The following YLPM1 variants were observed in gnomAD, a reference collection of about 807,000 sequenced individuals.
YLPM1 encodes YLP motif containing 1, also known as YLP motif-containing protein 1.
In YLPM1, 99 loss-of-function variants were observed where a neutral mutation model predicts 230.0. The ratio of observed to expected loss-of-function variants is 0.43; its 90% confidence interval spans 0.37 to 0.51. YLPM1 has a LOEUF of 0.51. Among genes scored for constraint, YLPM1 ranks in the 20% least tolerant of loss-of-function variants. The pLI is 0.00. For synonymous variants in YLPM1, 984 were observed against 942.5 expected (o/e 1.04, Z -0.81); for missense variants, 2,592 against 2,707.7 (o/e 0.96, Z 0.95).
intron 1 of YLPM1, among the ~76,000 whole-genome samples, chr14:74,766,636 ATTTTTT>A (rs34932979): frequency 1.7e-4 from 19 of 110,348 alleles, no homozygotes; most frequent in African/African-American, 6.7e-4. Flanking sequence ...ATGCCTGGCT[ATTTTTT>A]TTTTTTTTTT....
chr14:74,772,878 A>G (rs2090992853), intron 1 of YLPM1, among the ~76,000 whole-genome samples: 2 of 152,188 alleles, frequency 1.3e-5, no homozygotes, highest in Admixed American at 6.5e-5. Context: ...CAGTAAGGAC[A>G]TTTGTGAGTG....
At chr14:74,820,966 C>CAACT in intron 16 of YLPM1, 91 bp from the exon 17 acceptor site, 6 of 1,327,246 alleles carry the variant, frequency 4.5e-6, no homozygotes, top group Non-Finnish European at 4.9e-6. Context: ...TTGCTCTGGG[C>CAACT]AACTGTATTC....
chr14:74,815,759 C>G (rs1254929118), intron 11 of YLPM1, among the ~76,000 whole-genome samples: 1 of 151,728 alleles, frequency 6.6e-6, no homozygotes, highest in Non-Finnish European at 1.5e-5. Context: ...GATTTGAGAC[C>G]TATTTCTTTC....
intron 16 of YLPM1, among the ~76,000 whole-genome samples, chr14:74,818,984 C>T (rs2091500224): frequency 6.6e-6 from 1 of 152,106 alleles, no homozygotes; most frequent in South Asian, 2.1e-4. Flanking sequence ...TGTGCCCTCT[C>T]AGTGTGTCAC....
rs768536378 is a variant in YLPM1, at chr14:74,810,254, A to G, written c.5062A>G (p.Arg1688Gly). The change falls in exon 9 of 21, where the codon AGA becomes GGA. Residue 1688 changes from arginine (R) to glycine (G), a missense_variant. Coordinates refer to ENST00000325680, the MANE Select transcript of YLPM1 (RefSeq NM_019589.3). The stretch of plus-strand genomic sequence containing the variant: ...TGCAGGCCAACGTGATCGTTATGAT[A>G]GAGAAAGAGATCGTGAGCCTTATTT... ...EHAGQRDRYD[R>G]ERDREPYFDR... 6.2e-7 allele frequency: 1 copy of G among 1,613,936 alleles called. No individual in the cohort carries two copies. Among genetic ancestry groups the G allele is most frequent in the Non-Finnish European group, 8.5e-7 (1 of 1,179,874 alleles).
intron 6 of YLPM1, 53 bp downstream of exon 6, chr14:74,802,729 C>T (rs2091340485): frequency 6.7e-7 from 1 of 1,489,816 alleles, no homozygotes; most frequent in African/African-American, 1.4e-5. Context: ...TTGTATGTTT[C>T]TATGTTGTTT....
chr14:74,816,136 C>CTCAT, intron 11 of YLPM1, 67 bp from the exon 12 acceptor site: 1 of 1,440,234 alleles, frequency 6.9e-7, no homozygotes, highest in Non-Finnish European at 9.5e-7. Context: ...TCATTGTTAA[C>CTCAT]TGTTATCTCA....
rs1362479594 is a variant in YLPM1 at position 74,770,106 on chromosome 14, C to T, written c.873+5744C>T. Among the ~76,000 whole-genome samples the T allele has an allele frequency of 7.3e-5, 11 of 150,982 alleles. 1 individual carries two copies. The South Asian group carries it at 1.3e-3, about 17-fold the overall frequency. Reference sequence around the variant, plus strand: ...CTGAGGCAGGAGAATGGTGTGAACCCGGGAGGCGGAGCTTGCAGTGAGCCG... The same window carrying T: ...CTGAGGCAGGAGAATGGTGTGAACCTGGGAGGCGGAGCTTGCAGTGAGCCG... On this transcript the variant is annotated intron_variant, in intron 1 of 20. Transcript: ENST00000325680.
chr14:74,812,758 G>A lies in YLPM1; in HGVS notation c.5478G>A (p.Pro1826=), dbSNP rs2302835. 18,836 of 1,613,342 alleles carry A rather than the reference G, an allele frequency of 0.012. 1,018 individuals are homozygous for A. The African/African-American group carries it at 0.15, about 13-fold the overall frequency. The change falls in exon 11 of 21, where the codon CCG becomes CCA. Residue 1826 remains proline, a synonymous_variant. Transcript: ENST00000325680. The part of the protein sequence containing the change: ...SKNVDDILKP[P]GRESRPERIV... Reference sequence around the variant, plus strand: ...ATGTGGACGATATTTTGAAACCACCGGGCCGGGAGAGCAGACCTGAGAGAG... The same window carrying A: ...ATGTGGACGATATTTTGAAACCACCAGGCCGGGAGAGCAGACCTGAGAGAG...
intron 1 of YLPM1, among the ~76,000 whole-genome samples, chr14:74,765,633 T>G (rs2090904536): frequency 6.6e-6 from 1 of 152,250 alleles, no homozygotes; most frequent in Non-Finnish European, 1.5e-5. Flanking sequence ...TGTCAAACAT[T>G]CTCAGTTAGT....
At chr14:74,785,331 A>T (rs2091137018) in intron 4 of YLPM1, among the ~76,000 whole-genome samples, 1 of 152,124 alleles carries the variant, frequency 6.6e-6, no homozygotes, top group Non-Finnish European at 1.5e-5. Context: ...TTTGATAAGG[A>T]TGGCTTTTTA....
rs769445032 is a variant in YLPM1 at position 74,829,315 on chromosome 14, C to T, written c.6266C>T (p.Thr2089Ile). ...DYLQLPDDYD[T>I]RASEPGKKRV... The stretch of plus-strand genomic sequence containing the variant: ...CTTCAGCTCCCCGATGATTATGATA[C>T]TCGTGCTTCTGAGCCTGGGAAGAAG... Residue 2089 changes from threonine to isoleucine, a missense_variant, in exon 19 of 21, where the codon ACT becomes ATT. Physicochemically the swap from Thr to Ile is moderately conservative, Grantham distance 89. Transcript: ENST00000325680. 10 of 1,613,180 alleles carry T rather than the reference C, an allele frequency of 6.2e-6. No homozygotes were observed. The highest frequency in any genetic ancestry group is 2.2e-5 in the East Asian group (1 of 44,856).
At chr14:74,793,054 T>C (rs1394601261) in intron 4 of YLPM1, among the ~76,000 whole-genome samples, 3 of 152,228 alleles carry the variant, frequency 2.0e-5, no homozygotes, top group Admixed American at 6.5e-5. Context: ...TGTGTAGGTG[T>C]TATACTGTTC....
intron 20 of YLPM1, 150 bp downstream of exon 20, chr14:74,835,597 A>G (rs2091637341): frequency 1.4e-6 from 1 of 722,460 alleles, no homozygotes; most frequent in Non-Finnish European, 2.2e-6. Context: ...GTTAACATTT[A>G]CAATACTATT....
At chr14:74,830,473 T>A (rs2091600207) in intron 19 of YLPM1, among the ~76,000 whole-genome samples, 1 of 152,234 alleles carries the variant, frequency 6.6e-6, no homozygotes, top group Non-Finnish European at 1.5e-5. Flanking sequence ...TATATAAGCA[T>A]ATACAGAACT....
rs183469223 is a variant in YLPM1, at chr14:74,790,005, C to T, written c.2283-7575C>T. Among the ~76,000 whole-genome samples the T allele has an allele frequency of 5.3e-5, 8 of 152,138 alleles. No individual in the cohort carries two copies. The East Asian group carries it at 1.4e-3, about 26-fold the overall frequency. ...GAACATAGGCCATAGTTTGCTGACC[C>T]CTGTTCTAGATTGTCTTGATTATTC... On this transcript the variant is annotated intron_variant, in intron 4 of 20. Transcript: ENST00000325680.
Position 74,798,515 on chromosome 14 carries a change from A to G in YLPM1, c.3218A>G (p.Asn1073Ser). Reference sequence around the variant, plus strand: ...AGAGAAGATAGTCGAGAGAAGATGAACAGAGGAGAAGGTAGCCGGGACAGA... The same window carrying G: ...AGAGAAGATAGTCGAGAGAAGATGAGCAGAGGAGAAGGTAGCCGGGACAGA... ...GRREDSREKM[N>S]RGEGSRDRGL... The change falls in exon 5 of 21, where the codon AAC (asparagine) becomes AGC (serine). Residue 1073 changes from asparagine to serine, a missense_variant. By Grantham distance (46) the Asn-to-Ser change is conservative. This residue lies in a region of YLPM1 where 1,862 missense variants were observed against 1,819.8 expected (regional missense o/e 1.02). Coordinates refer to ENST00000325680, the MANE Select transcript of YLPM1 (RefSeq NM_019589.3). The G allele has an allele frequency of 6.2e-7, 1 of 1,613,974 alleles. No individual in the cohort carries two copies. Among genetic ancestry groups the G allele is most frequent in the South Asian group, 1.1e-5 (1 of 91,086 alleles).
intron 4 of YLPM1, 89 bp from the exon 5 acceptor site, chr14:74,797,491 T>A: frequency 8.8e-7 from 1 of 1,138,254 alleles, no homozygotes; most frequent in Non-Finnish European, 1.2e-6. Context: ...AAACAAATTC[T>A]AAGGCAAGAG....
In YLPM1 at chr14:74,799,406, A is replaced by C. The variant is rs1424843708; in HGVS notation, c.4109A>C (p.Glu1370Ala). 6.2e-7 allele frequency: 1 copy of C among 1,614,014 alleles called. No individual in the cohort carries two copies. The highest frequency in any genetic ancestry group is 1.1e-5 in the South Asian group (1 of 91,078). ...GYDRDFRDRG[E>A]LRIREYPERG... ...GATCGAGATTTCCGTGATAGGGGTGAGTTGAGGATTCGAGAGTATCCAGAA... is the reference window on the plus strand; with the variant it reads ...GATCGAGATTTCCGTGATAGGGGTGCGTTGAGGATTCGAGAGTATCCAGAA... The change falls in exon 5 of 21, where the codon GAG becomes GCG. Residue 1370 changes from glutamate (E) to alanine (A), a missense_variant. Physicochemically the swap from Glu to Ala is moderately radical, Grantham distance 107. Transcript: ENST00000325680.
Sources: allele counts gnomAD v4.1 joint callset (sites outside exome capture counted in the v4.1 genomes callset), GRCh38; gene constraint gnomAD v4.1.1; regional missense constraint gnomAD v4.1.1; transcripts MANE v1.5; gene names NCBI Gene and HGNC (gene_info 2026-07-23, HGNC 2026-07-21).